Variants in THEMIS observed in about 807,000 individuals in gnomAD.
The protein encoded by THEMIS is thymocyte selection associated, also known as protein THEMIS.
In THEMIS, 37 loss-of-function variants were observed where a neutral mutation model predicts 52.6. The ratio of observed to expected loss-of-function variants is 0.70; its 90% CI spans 0.54 to 0.93. The LOEUF is 0.93. Ranked by LOEUF, THEMIS falls within the 40% of genes least tolerant of loss-of-function variation. The pLI, the probability that THEMIS is intolerant of heterozygous loss-of-function variation, is 0.00. For missense variants in THEMIS, 808 were observed against 763.1 expected (o/e 1.06, Z -0.69); for synonymous variants, 292 against 272.7 (o/e 1.07, Z -0.70).
At chr6:127,715,107 T>C (rs1021380822) in intron 5 of THEMIS, among the ~76,000 whole-genome samples, 1 of 151,950 alleles carries the variant, frequency 6.6e-6, no homozygotes, top group Admixed American at 6.6e-5. Flanking sequence ...TTAAATCTTC[T>C]GAGAAGAGGG....
chr6:127,841,994 A>T (rs1279967169), intron 2 of THEMIS, among the ~76,000 whole-genome samples: 1 of 152,032 alleles, frequency 6.6e-6, no homozygotes, highest in Non-Finnish European at 1.5e-5. Flanking sequence ...AGCTCTATTT[A>T]GGGCTGCTCT....
intron 5 of THEMIS, among the ~76,000 whole-genome samples, chr6:127,718,360 T>G (rs1774243583): frequency 1.3e-5 from 2 of 151,890 alleles, no homozygotes; most frequent in African/African-American, 4.8e-5. Context: ...TAATTCCAGG[T>G]CATCTTTGTC....
chr6:127,901,997 G>A (rs139448790), upstream of THEMIS, among the ~76,000 whole-genome samples: 19 of 152,000 alleles, frequency 1.3e-4, no homozygotes, highest in African/African-American at 4.6e-4. Flanking sequence ...ATTAAAGGTG[G>A]TAGTTCCTAA....
intron 1 of THEMIS, among the ~76,000 whole-genome samples, chr6:127,898,125 G>A (rs1781027889): frequency 6.6e-6 from 1 of 151,674 alleles, no homozygotes; most frequent in African/African-American, 2.4e-5. Context: ...CTGAGAAAGA[G>A]CACAGGATAG....
At chr6:127,716,853 G>A (rs1472020752) in intron 5 of THEMIS, among the ~76,000 whole-genome samples, 1 of 151,808 alleles carries the variant, frequency 6.6e-6, no homozygotes, top group Non-Finnish European at 1.5e-5. Flanking sequence ...GAGCGTCAGG[G>A]CATCCATGTC....
chr6:127,854,349 A>G (rs1225748740), intron 2 of THEMIS, among the ~76,000 whole-genome samples: 2 of 151,824 alleles, frequency 1.3e-5, no homozygotes, highest in Non-Finnish European at 2.9e-5. Context: ...AACCTAAAAG[A>G]TTTACTATTT....
intron 4 of THEMIS, among the ~76,000 whole-genome samples, chr6:127,730,255 C>T (rs1176844207): frequency 9.6e-6 from 1 of 104,012 alleles, no homozygotes; most frequent in Non-Finnish European, 2.3e-5. Context: ...GCAACAGAGA[C>T]AGACCCTGTA....
chr6:127,711,352 G>C (rs995220165), intron 5 of THEMIS, among the ~76,000 whole-genome samples: 1 of 152,006 alleles, frequency 6.6e-6, no homozygotes, highest in African/African-American at 2.4e-5. Context: ...GGCTCCTGAG[G>C]AGGTCACAGA....
At chr6:127,747,714 T>C (rs1463422220) in intron 4 of THEMIS, among the ~76,000 whole-genome samples, 2 of 152,024 alleles carry the variant, frequency 1.3e-5, no homozygotes, top group East Asian at 1.9e-4. Context: ...GGATAATATG[T>C]AATGTTAGCA....
At chr6:127,773,322 A>C (rs1776448981) in intron 4 of THEMIS, among the ~76,000 whole-genome samples, 1 of 152,222 alleles carries the variant, frequency 6.6e-6, no homozygotes, top group Admixed American at 6.5e-5. Flanking sequence ...ATATTACAGC[A>C]TGGCTAATAT....
intron 2 of THEMIS, among the ~76,000 whole-genome samples, chr6:127,848,960 T>C (rs1211091372): frequency 6.6e-6 from 1 of 152,148 alleles, no homozygotes; most frequent in Non-Finnish European, 1.5e-5. Flanking sequence ...TTGGCTTTTG[T>C]TGCCATTGCT....
intron 2 of THEMIS, among the ~76,000 whole-genome samples, chr6:127,840,454 C>G (rs1360882885): frequency 1.3e-5 from 2 of 152,060 alleles, no homozygotes; most frequent in Non-Finnish European, 2.9e-5. Flanking sequence ...TGGAAAACAA[C>G]AGAAACAAAT....
chr6:127,905,374 ACCAACTTGATATTCTAAAT>A (rs1440841323), upstream of THEMIS, among the ~76,000 whole-genome samples: 1 of 152,210 alleles, frequency 6.6e-6, no homozygotes, highest in East Asian at 1.9e-4. Flanking sequence ...GAAACCAACT[ACCAACTTGATATTCTAAAT>A]CCAGAGACGC....
intron 1 of THEMIS, among the ~76,000 whole-genome samples, chr6:127,886,397 A>G (rs548168971): frequency 1.3e-5 from 2 of 152,184 alleles, no homozygotes; most frequent in African/African-American, 4.8e-5. Context: ...GACTTGGAGT[A>G]CTCAACCCTC....
At chr6:127,764,593 T>C (rs2114404220) in intron 4 of THEMIS, among the ~76,000 whole-genome samples, 1 of 152,158 alleles carries the variant, frequency 6.6e-6, no homozygotes, top group Non-Finnish European at 1.5e-5. Flanking sequence ...AATAATGCAG[T>C]TGGTAATAAC....
chr6:127,781,632 C>T (rs915652467), intron 4 of THEMIS, among the ~76,000 whole-genome samples: 3 of 152,008 alleles, frequency 2.0e-5, no homozygotes, highest in East Asian at 1.9e-4. Context: ...TGTTATTTTT[C>T]CTTCTAACAG....
intron 5 of THEMIS, among the ~76,000 whole-genome samples, chr6:127,711,401 G>GAAAA (rs1449756350): frequency 6.6e-6 from 1 of 151,966 alleles, no homozygotes; most frequent in Non-Finnish European, 1.5e-5. Context: ...AAAGGAGAAA[G>GAAAA]AAGAGCGATT....
intron 4 of THEMIS, among the ~76,000 whole-genome samples, chr6:127,726,934 A>G (rs931592820): frequency 2.0e-5 from 3 of 152,212 alleles, no homozygotes; most frequent in African/African-American, 4.8e-5. Context: ...GTCTGAATAG[A>G]CAGCTAATCT....
At chr6:127,886,260 T>C (rs1780641825) in intron 1 of THEMIS, among the ~76,000 whole-genome samples, 1 of 152,142 alleles carries the variant, frequency 6.6e-6, no homozygotes, top group Admixed American at 6.6e-5. Context: ...TAGTTAGGTT[T>C]AGTTTTTCCA....
Sources: allele counts gnomAD v4.1 joint callset (sites outside exome capture counted in the v4.1 genomes callset), GRCh38; gene constraint gnomAD v4.1.1; transcripts MANE v1.5; gene names NCBI Gene and HGNC (gene_info 2026-07-23, HGNC 2026-07-21).